The following PGR variants were observed in gnomAD, a reference collection of about 807,000 sequenced individuals.
PGR encodes nuclear receptor subfamily 3 group C member 3.
A neutral mutation model predicts 76.1 loss-of-function variants in PGR; 25 were observed. The ratio of observed to expected loss-of-function variants is 0.33; its 90% CI spans 0.24 to 0.46. The LOEUF is 0.46. PGR is among the 20% of genes least tolerant of loss of function. The pLI is 1.00. For synonymous variants in PGR, 579 were observed against 535.0 expected (o/e 1.08, Z -1.14); for missense variants, 1,172 against 1,225.3 (o/e 0.96, Z 0.65).
At chr11:101,085,810 T>C (rs1200849867) in intron 3 of PGR, among the ~76,000 whole-genome samples, 1 of 152,064 alleles carries the variant, frequency 6.6e-6, no homozygotes, top group Non-Finnish European at 1.5e-5. Context: ...TAGATAACTA[T>C]TGTGAACACC....
Position 101,036,999 on chromosome 11 carries a change from C to CAT in PGR, c.*2115_*2116dup, listed in dbSNP as rs1454971700. 1 of 198,136 alleles carries CAT rather than the reference C, an allele frequency of 5.0e-6. No individual in the cohort carries two copies. The highest frequency in any genetic ancestry group is 2.3e-5 in the African/African-American group (1 of 43,388). 12.3% of individuals were successfully genotyped at this position (198,136 alleles called of 1,614,324 possible). ...GGTTTTTTTTGGATAGACCTACATT[C>CAT]ATTTTCTTGTGTCACACAGTTCATT... is the stretch of plus-strand genomic sequence containing the variant. On this transcript the variant is annotated 3_prime_UTR_variant, in exon 8 of 8. Transcript: ENST00000325455.
chr11:101,042,434 G>A (rs606789), intron 6 of PGR, among the ~76,000 whole-genome samples: 41,854 of 151,820 alleles, frequency 0.28, 6,021 homozygotes, highest in African/African-American at 0.37. Context: ...TTAAATACTT[G>A]GTTTGACTTA....
chr11:101,109,354 G>A (rs1198863939), intron 2 of PGR, among the ~76,000 whole-genome samples: 1 of 152,166 alleles, frequency 6.6e-6, no homozygotes, highest in Non-Finnish European at 1.5e-5. Context: ...AGTTGTAAAT[G>A]CAAAGGAAAT....
rs1454433882 is a variant in PGR, at chr11:101,029,833, A to G, written c.*9283T>C. On this transcript the variant is annotated 3_prime_UTR_variant, in exon 8 of 8. Coordinates refer to ENST00000325455, the MANE Select transcript of PGR (RefSeq NM_000926.4). ...ATCTACACTTAGTTTAAAAACAGAG[A>G]TGGGATTTTGCATATTAGCTTGAAA... 8 of 220,770 alleles carry G rather than the reference A, an allele frequency of 3.6e-5. No homozygotes were observed. Among genetic ancestry groups the G allele is most frequent in the East Asian group, 6.7e-5 (1 of 15,030 alleles). 13.7% of individuals were successfully genotyped at this position (220,770 alleles called of 1,614,324 possible). A position where few individuals can be genotyped will look rare whatever the true frequency, so the allele number is the denominator to read the frequency against.
intron 2 of PGR, among the ~76,000 whole-genome samples, chr11:101,100,167 T>C (rs1056111387): frequency 6.6e-6 from 1 of 152,170 alleles, no homozygotes; most frequent in African/African-American, 2.4e-5. Context: ...TGGGAGGTAA[T>C]TGAATCATGG....
At chr11:101,058,373 A>G (rs1211267105) in intron 4 of PGR, among the ~76,000 whole-genome samples, 1 of 152,086 alleles carries the variant, frequency 6.6e-6, no homozygotes, top group Non-Finnish European at 1.5e-5. Flanking sequence ...CAATAATTTA[A>G]TTTAGTCTTC....
rs1372729325 is a variant in PGR, at chr11:101,128,116, G to A, written c.955C>T (p.Arg319Cys). Reference protein sequence around the residue: ...LPLNHALLAARTRQLLEDESY... With the variant: ...LPLNHALLAACTRQLLEDESY... Reference sequence around the variant, plus strand: ...TCGTCTTCCAGCAGCTGCCGAGTGCGGGCTGCCAATAAGGCGTGATTGAGA... The same window carrying A: ...TCGTCTTCCAGCAGCTGCCGAGTGCAGGCTGCCAATAAGGCGTGATTGAGA... Residue 319 changes from arginine to cysteine, a missense_variant, in exon 1 of 8, where the codon CGC becomes TGC. Around this residue, in one of 4 missense-constraint regions of PGR, gnomAD observed 893 missense variants for 785.9 expected, o/e 1.14. Coordinates refer to ENST00000325455, the MANE Select transcript of PGR (RefSeq NM_000926.4). 7 of 1,598,626 alleles carry A rather than the reference G, an allele frequency of 4.4e-6. No homozygotes were observed. The highest frequency in any genetic ancestry group is 2.2e-5 in the East Asian group (1 of 44,796).
At chr11:101,066,593 A>G (rs1860725655) in intron 3 of PGR, among the ~76,000 whole-genome samples, 1 of 152,184 alleles carries the variant, frequency 6.6e-6, no homozygotes, top group Admixed American at 6.5e-5. Context: ...ATGCAACTGT[A>G]TTCTCAGCAT....
intron 3 of PGR, among the ~76,000 whole-genome samples, chr11:101,083,826 T>G (rs537670740): frequency 3.0e-4 from 45 of 152,326 alleles, no homozygotes; most frequent in African/African-American, 1.1e-3. Context: ...TGGAAGGGAC[T>G]TGCCTTGTCT....
intron 3 of PGR, among the ~76,000 whole-genome samples, chr11:101,077,957 T>A (rs1861179137): frequency 6.6e-6 from 1 of 152,182 alleles, no homozygotes; most frequent in Admixed American, 6.5e-5. Context: ...AAAAATGATT[T>A]TTGTTCTTAG....
chr11:101,120,131 C>T (rs766490913), intron 2 of PGR, among the ~76,000 whole-genome samples: 13 of 152,212 alleles, frequency 8.5e-5, no homozygotes, highest in African/African-American at 1.2e-4. Context: ...CTGAATACTA[C>T]GGTGTGTTGG....
Position 101,038,843 on chromosome 11 carries a change from G to A in PGR, c.*273C>T. ...TCACCTACATGGTATGAAATAATAT[G>A]GATAAGATAGTTTACTTTAACAATT... On this transcript the variant is annotated 3_prime_UTR_variant, in exon 8 of 8. Coordinates refer to ENST00000325455, the MANE Select transcript of PGR (RefSeq NM_000926.4). The A allele has an allele frequency of 2.8e-6, 1 of 354,894 alleles. No homozygotes were observed. Among genetic ancestry groups the A allele is most frequent in the Non-Finnish European group, 5.1e-6 (1 of 196,884 alleles). The allele number at this position is 354,894 out of a possible 1,614,324, so 22.0% of individuals were successfully genotyped here.
intron 3 of PGR, among the ~76,000 whole-genome samples, chr11:101,078,776 A>G (rs138986770): frequency 6.6e-6 from 1 of 152,216 alleles, no homozygotes. Flanking sequence ...ATGTCAAAAC[A>G]TATTTATTAC....
intron 3 of PGR, among the ~76,000 whole-genome samples, chr11:101,082,482 T>C (rs1861345142): frequency 6.6e-6 from 1 of 152,122 alleles, no homozygotes. Context: ...CCTGGAGACT[T>C]GTTGAATGGT....
chr11:101,107,942 C>T (rs1348910477), intron 2 of PGR, among the ~76,000 whole-genome samples: 5 of 148,960 alleles, frequency 3.4e-5, no homozygotes, highest in Admixed American at 2.0e-4. Flanking sequence ...TTATTTAAGT[C>T]TAGGCACCAA....
intron 3 of PGR, chr11:101,063,132 C>T (rs1300743490): frequency 6.0e-6 from 1 of 165,526 alleles, no homozygotes; most frequent in Non-Finnish European, 1.3e-5. Context: ...GATAGAACAG[C>T]CTTCCAAAAT....
rs1859320897 is a variant in PGR, at chr11:101,030,622, T to C, written c.*8494A>G. ...GGCAGGCATATTGCTCTGAGGAGAA[T>C]TGGAATTGTTATAGCGGAAATGTTC... is the stretch of plus-strand genomic sequence containing the variant. On this transcript the variant is annotated 3_prime_UTR_variant, in exon 8 of 8. Transcript: ENST00000325455. 9.2e-6 allele frequency: 2 copies of C among 218,212 alleles called. No homozygotes were observed. The highest frequency in any genetic ancestry group is 1.2e-4 in the Admixed American group (2 of 17,246). The allele number at this position is 218,212 out of a possible 1,614,324, so 13.5% of individuals were successfully genotyped here.
intron 2 of PGR, among the ~76,000 whole-genome samples, chr11:101,120,577 G>C (rs1049186348): frequency 6.6e-6 from 1 of 151,896 alleles, no homozygotes; most frequent in Non-Finnish European, 1.5e-5. Context: ...ATGAACAATA[G>C]AGCTTCAAGT....
chr11:101,074,165 G>T (rs1329155166), intron 3 of PGR, among the ~76,000 whole-genome samples: 1 of 152,098 alleles, frequency 6.6e-6, no homozygotes, highest in Non-Finnish European at 1.5e-5. Context: ...TGAAAGCCTG[G>T]ATCAACATAC....
Sources: allele counts gnomAD v4.1 joint callset (sites outside exome capture counted in the v4.1 genomes callset), GRCh38; gene constraint gnomAD v4.1.1; regional missense constraint gnomAD v4.1.1; transcripts MANE v1.5; gene names NCBI Gene and HGNC (gene_info 2026-07-23, HGNC 2026-07-21).